The following SPATA6 variants were observed in gnomAD, a reference collection of about 807,000 sequenced individuals.
SPATA6 encodes the protein spermatogenesis associated 6, also known as spermatogenesis-associated protein 6.
A neutral mutation model predicts 65.3 loss-of-function variants in SPATA6; 56 were observed. That is an observed-to-expected ratio of 0.86 (90% CI 0.69 to 1.07). The LOEUF (loss-of-function observed/expected upper bound fraction) is 1.07. Among genes scored for constraint, SPATA6 ranks in the 50% least tolerant of loss-of-function variants. The pLI, the probability that SPATA6 is intolerant of heterozygous loss-of-function variation, is 0.00. For synonymous variants in SPATA6, 199 were observed against 213.2 expected, an observed-to-expected ratio of 0.93 and a Z score of 0.58; for missense variants, 590 against 594.8, an observed-to-expected ratio of 0.99 and a Z score of 0.08.
At chr1:48,408,990 T>C (rs1485962381) in intron 5 of SPATA6, among the ~76,000 whole-genome samples, 1 of 152,060 alleles carries the variant, frequency 6.6e-6, no homozygotes, top group Non-Finnish European at 1.5e-5. Context: ...ATCTCTTATC[T>C]TCACATTTCA....
intron 11 of SPATA6, among the ~76,000 whole-genome samples, chr1:48,316,414 C>G (rs924772218): frequency 6.6e-6 from 1 of 151,510 alleles, no homozygotes; most frequent in Admixed American, 6.6e-5. Flanking sequence ...ACAAACGTGA[C>G]AAAAACAAAA....
At chr1:48,388,617 T>C (rs1481148396) in intron 8 of SPATA6, among the ~76,000 whole-genome samples, 1 of 151,536 alleles carries the variant, frequency 6.6e-6, no homozygotes, top group East Asian at 1.9e-4. Context: ...AGGACGTGAA[T>C]GAAACTTTTA....
At chr1:48,367,123 T>G (rs1647046774) in intron 9 of SPATA6, among the ~76,000 whole-genome samples, 1 of 152,338 alleles carries the variant, frequency 6.6e-6, no homozygotes, top group East Asian at 1.9e-4. Context: ...AGTTTCTTAA[T>G]CCTGAGTTCT....
At chr1:48,381,508 TA>T (rs1648575944) in intron 9 of SPATA6, among the ~76,000 whole-genome samples, 1 of 152,046 alleles carries the variant, frequency 6.6e-6, no homozygotes, top group African/African-American at 2.4e-5. Flanking sequence ...TCTTTTATCA[TA>T]GTTAAAGTAT....
the SPATA6 span, among the ~76,000 whole-genome samples, chr1:48,279,521 G>A: frequency 2.0e-5 from 3 of 151,956 alleles, no homozygotes; most frequent in Admixed American, 1.3e-4. Context: ...AAAAAGGCAG[G>A]GGTTGCAATC....
At chr1:48,322,042 G>A (rs764087151) in intron 11 of SPATA6, among the ~76,000 whole-genome samples, 20 of 151,866 alleles carry the variant, frequency 1.3e-4, no homozygotes, top group East Asian at 7.7e-4. Context: ...AGCAGTAAGC[G>A]CCTACATTTA....
the SPATA6 span, among the ~76,000 whole-genome samples, chr1:48,261,773 A>G: frequency 6.6e-6 from 1 of 152,094 alleles, no homozygotes; most frequent in Non-Finnish European, 1.5e-5. Flanking sequence ...TTTCTATAAT[A>G]TATGTTGTTA....
intron 1 of SPATA6, among the ~76,000 whole-genome samples, chr1:48,463,186 A>G (rs1657573955): frequency 6.6e-6 from 1 of 152,240 alleles, no homozygotes; most frequent in Non-Finnish European, 1.5e-5. Flanking sequence ...GCCGTCATCA[A>G]GTGAGCCAAT....
intron 1 of SPATA6, among the ~76,000 whole-genome samples, chr1:48,455,268 A>G (rs1209971618): frequency 6.6e-6 from 1 of 152,222 alleles, no homozygotes; most frequent in African/African-American, 2.4e-5. Flanking sequence ...ACTCAGTAAA[A>G]AAAATCTGTA....
chr1:48,298,793 C>T lies in SPATA6; in HGVS notation c.1387G>A (p.Glu463Lys). ...CTGTACATCTTGTCCATGCTGTTCT[C>T]AAAGATGGGTCGGTGGGATTTTCCC... Reference protein sequence around the residue: ...YKGKSHRPIFENSMDKMYRNL... With the variant: ...YKGKSHRPIFKNSMDKMYRNL... Residue 463 changes from glutamate (E) to lysine (K), a missense_variant, in exon 13 of 13, where the codon GAG (glutamate) becomes AAG (lysine). Glu to Lys is a moderately conservative substitution (Grantham distance 56). Coordinates refer to ENST00000371847, the MANE Select transcript of SPATA6 (RefSeq NM_019073.4). 2 of 1,613,938 alleles carry T rather than the reference C, an allele frequency of 1.2e-6. No homozygotes were observed. Among genetic ancestry groups the T allele is most frequent in the African/African-American group, 1.3e-5 (1 of 75,002 alleles).
At chr1:48,350,490 G>C in intron 11 of SPATA6, among the ~76,000 whole-genome samples, 1 of 150,952 alleles carries the variant, frequency 6.6e-6, no homozygotes, top group East Asian at 1.9e-4. Context: ...ACTCATTGCC[G>C]AAATTAAATT....
chr1:48,407,825 C>T (rs537716664), intron 5 of SPATA6, among the ~76,000 whole-genome samples: 1 of 152,206 alleles, frequency 6.6e-6, no homozygotes, highest in South Asian at 2.1e-4. Context: ...CATCATCTTC[C>T]AAATAAATGC....
chr1:48,273,777 A>G, the SPATA6 span, among the ~76,000 whole-genome samples: 3 of 152,142 alleles, frequency 2.0e-5, no homozygotes, highest in African/African-American at 7.2e-5. Context: ...AGTGTTTGCT[A>G]TTGTGAACAG....
intron 11 of SPATA6, among the ~76,000 whole-genome samples, chr1:48,313,547 C>A (rs756914942): frequency 1.3e-5 from 2 of 152,114 alleles, no homozygotes; most frequent in African/African-American, 2.4e-5. Context: ...GAAGGAAGCA[C>A]TAAACATCGA....
chr1:48,353,650 T>C (rs1646576396), intron 11 of SPATA6, among the ~76,000 whole-genome samples: 1 of 151,884 alleles, frequency 6.6e-6, no homozygotes, highest in Non-Finnish European at 1.5e-5. Context: ...TCCAATGACA[T>C]CGCTTCAAAA....
At chr1:48,315,261 T>G (rs1240897971) in intron 11 of SPATA6, among the ~76,000 whole-genome samples, 1 of 151,998 alleles carries the variant, frequency 6.6e-6, no homozygotes, top group East Asian at 1.9e-4. Context: ...TAGACCAATA[T>G]CCCTGATGAA....
intron 11 of SPATA6, among the ~76,000 whole-genome samples, chr1:48,346,921 T>C (rs1646381131): frequency 6.6e-6 from 1 of 152,036 alleles, no homozygotes; most frequent in East Asian, 1.9e-4. Flanking sequence ...TCAATGCTAT[T>C]CCTATTAAAC....
the SPATA6 span, among the ~76,000 whole-genome samples, chr1:48,286,497 T>C: frequency 1.3e-5 from 2 of 152,184 alleles, no homozygotes; most frequent in South Asian, 2.1e-4. Flanking sequence ...ACTGATTTTT[T>C]ATGTGCTAAT....
intron 3 of SPATA6, among the ~76,000 whole-genome samples, chr1:48,443,680 C>T (rs1421812268): frequency 3.9e-5 from 6 of 152,268 alleles, no homozygotes; most frequent in South Asian, 4.1e-4. Context: ...AGATGCCACC[C>T]GGCGTTTACA....
Sources: gnomAD v4.1 joint callset for allele counts (sites outside exome capture counted in the v4.1 genomes callset) on GRCh38, gnomAD v4.1.1 for gene constraint, MANE v1.5 for transcripts, NCBI Gene and HGNC (gene_info 2026-07-23, HGNC 2026-07-21) for gene names.